AIG1: variants seen among roughly 807,000 people sequenced by gnomAD.
AIG1 encodes androgen-induced gene 1 protein.
Under a neutral mutation model 31.4 loss-of-function variants are expected in AIG1, and 23 were observed. The observed-to-expected ratio is 0.73, with a 90% confidence interval of 0.53 to 1.04. The LOEUF is 1.04. AIG1 is among the 50% of genes least tolerant of loss of function. AIG1 has a pLI of 0.00. For synonymous variants in AIG1, 100 were observed against 110.5 expected (o/e 0.90, Z 0.60); for missense variants, 274 against 295.0 (o/e 0.93, Z 0.52).
chr6:143,267,942 T>C (rs1796264102), intron 3 of AIG1, among the ~76,000 whole-genome samples: 1 of 152,196 alleles, frequency 6.6e-6, no homozygotes, highest in South Asian at 2.1e-4. Context: ...GGTTTAAGCT[T>C]TAAAAATGTG....
At chr6:143,059,434 ACT>A (rs1776082029), upstream of AIG1, among the ~76,000 whole-genome samples, 2 of 152,014 alleles carry the variant, frequency 1.3e-5, no homozygotes, top group South Asian at 4.1e-4. Flanking sequence ...CAATAGATCT[ACT>A]CTTTTTTATT....
intron 4 of AIG1, among the ~76,000 whole-genome samples, chr6:143,295,445 G>A (rs1343939764): frequency 2.0e-5 from 3 of 152,174 alleles, no homozygotes; most frequent in South Asian, 2.1e-4. Flanking sequence ...CTGCATTACC[G>A]GACCCCTGCT....
intron 4 of AIG1, among the ~76,000 whole-genome samples, chr6:143,307,643 G>C (rs1474792314): frequency 6.6e-6 from 1 of 152,200 alleles, no homozygotes; most frequent in South Asian, 2.1e-4. Flanking sequence ...CTGCTCGGGG[G>C]TCAGGGGTCA....
chr6:143,116,905 G>A (rs182899891), intron 1 of AIG1, among the ~76,000 whole-genome samples: 4 of 151,940 alleles, frequency 2.6e-5, no homozygotes, highest in Non-Finnish European at 4.4e-5. Flanking sequence ...ATCCCAAATC[G>A]GGGCCTTGAT....
chr6:143,210,761 G>A (rs2128615193), intron 3 of AIG1, among the ~76,000 whole-genome samples: 1 of 152,270 alleles, frequency 6.6e-6, no homozygotes, highest in South Asian at 2.1e-4. Flanking sequence ...TACGTAGAGA[G>A]AAACCAACAT....
At chr6:143,131,572 TGAA>T (rs967161803) in intron 1 of AIG1, among the ~76,000 whole-genome samples, 3 of 152,158 alleles carry the variant, frequency 2.0e-5, no homozygotes, top group Admixed American at 1.3e-4. Flanking sequence ...TTGCTGGCTT[TGAA>T]GATGGAAGGG....
intron 3 of AIG1, among the ~76,000 whole-genome samples, chr6:143,233,373 T>C (rs947281929): frequency 6.6e-6 from 1 of 151,798 alleles, no homozygotes; most frequent in African/African-American, 2.4e-5. Context: ...CCCAGGAAAT[T>C]TGGAAATATT....
chr6:143,186,443 C>T (rs1020780631), intron 3 of AIG1, among the ~76,000 whole-genome samples: 3 of 152,102 alleles, frequency 2.0e-5, no homozygotes, highest in Admixed American at 6.5e-5. Flanking sequence ...GAAACGTTTC[C>T]CCTTTACGCA....
At chr6:143,240,007 A>G (rs549503558) in intron 3 of AIG1, among the ~76,000 whole-genome samples, 1 of 152,362 alleles carries the variant, frequency 6.6e-6, no homozygotes, top group East Asian at 1.9e-4. Context: ...CCCATCTAAA[A>G]TGGACAAAGA....
chr6:143,215,328 CAA>C (rs1018057488), intron 3 of AIG1, among the ~76,000 whole-genome samples: 1 of 152,082 alleles, frequency 6.6e-6, no homozygotes, highest in Non-Finnish European at 1.5e-5. Context: ...TGTTTTTTGG[CAA>C]AGACTGGTGC....
chr6:143,136,780 C>T, intron 1 of AIG1, 55 bp from the exon 2 acceptor site: 1 of 1,309,112 alleles, frequency 7.6e-7, no homozygotes, highest in Non-Finnish European at 9.8e-7. Context: ...TTTGCTGTTC[C>T]ACAGCTTGGG....
At chr6:143,118,322 G>C (rs1781913941) in intron 1 of AIG1, among the ~76,000 whole-genome samples, 1 of 152,118 alleles carries the variant, frequency 6.6e-6, no homozygotes, top group Admixed American at 6.5e-5. Context: ...AGCCGAGTCT[G>C]GTGGCAGGTG....
chr6:143,204,935 T>A (rs1181419427), intron 3 of AIG1, among the ~76,000 whole-genome samples: 1 of 152,170 alleles, frequency 6.6e-6, no homozygotes, highest in Non-Finnish European at 1.5e-5. Context: ...AAAATTATGC[T>A]ACCCACCATC....
chr6:143,140,047 CAT>C (rs1006861735), intron 2 of AIG1, among the ~76,000 whole-genome samples: 1 of 152,226 alleles, frequency 6.6e-6, no homozygotes, highest in African/African-American at 2.4e-5. Context: ...CACAGTTTCA[CAT>C]GGCTGTGGAG....
chr6:143,248,636 G>A (rs1400580637), intron 3 of AIG1, among the ~76,000 whole-genome samples: 1 of 152,192 alleles, frequency 6.6e-6, no homozygotes, highest in Non-Finnish European at 1.5e-5. Flanking sequence ...TGATGTAAAA[G>A]GCCAGCTCAT....
chr6:143,196,351 A>ACACACGCG (rs57775979), intron 3 of AIG1, among the ~76,000 whole-genome samples: 16 of 5,490 alleles, frequency 2.9e-3, no homozygotes, highest in African/African-American at 8.5e-3. Context: ...AACAAAAGCA[A>ACACACGCG]CACACACACA....
intron 1 of AIG1, among the ~76,000 whole-genome samples, chr6:143,083,563 CT>C (rs1778486534): frequency 6.6e-6 from 1 of 152,226 alleles, no homozygotes; most frequent in Non-Finnish European, 1.5e-5. Flanking sequence ...GGACAATGGC[CT>C]CATTGATAAT....
At chr6:143,313,450 C>T (rs932560249) in intron 4 of AIG1, among the ~76,000 whole-genome samples, 9 of 151,978 alleles carry the variant, frequency 5.9e-5, no homozygotes, top group East Asian at 3.9e-4. Context: ...ATAAGCCAGG[C>T]GCGGAAAGAC....
intron 3 of AIG1, among the ~76,000 whole-genome samples, chr6:143,272,003 G>A (rs931840715): frequency 1.3e-5 from 2 of 152,134 alleles, no homozygotes; most frequent in African/African-American, 4.8e-5. Flanking sequence ...TGGTCAACTG[G>A]TTTGTACATT....
Sources: gnomAD v4.1 joint callset for allele counts (sites outside exome capture counted in the v4.1 genomes callset) on GRCh38, gnomAD v4.1.1 for gene constraint, MANE v1.5 for transcripts, NCBI Gene and HGNC (gene_info 2026-07-23, HGNC 2026-07-21) for gene names.